Variants in CCNF observed in about 807,000 individuals in gnomAD.
CCNF encodes the protein cyclin F, also known as cyclin-F.
CCNF carries 30 observed loss-of-function variants against 85.4 expected under a neutral mutation model. The ratio of observed to expected loss-of-function variants is 0.35; its 90% CI spans 0.26 to 0.48. The LOEUF (loss-of-function observed/expected upper bound fraction) is 0.48. CCNF is among the 20% of genes least tolerant of loss of function. The pLI, the probability that CCNF is intolerant of heterozygous loss-of-function variation, is 0.99. For missense variants in CCNF, 919 were observed against 1,010.4 expected (o/e 0.91, Z 1.23); for synonymous variants, 439 against 425.1 (o/e 1.03, Z -0.40).
intron 13 of CCNF, among the ~76,000 whole-genome samples, chr16:2,450,898 G>A (rs1057467014): frequency 1.3e-5 from 2 of 152,222 alleles, no homozygotes; most frequent in Admixed American, 1.3e-4. Flanking sequence ...GCAGCTGCTG[G>A]GATAGAGCTA....
chr16:2,431,333 C>CCATT, intron 2 of CCNF, 49 bp downstream of exon 2: 1 of 1,583,272 alleles, frequency 6.3e-7, no homozygotes, highest in South Asian at 1.1e-5. Flanking sequence ...GTTGATTATA[C>CCATT]CATCAGGCCT....
chr16:2,439,608 T>C, intron 7 of CCNF, 141 bp from the exon 8 acceptor site: 2 of 918,926 alleles, frequency 2.2e-6, no homozygotes, highest in Non-Finnish European at 3.4e-6. Context: ...CAGTCGGCTA[T>C]TCTTGGTACC....
rs547393350 is a variant in CCNF, at chr16:2,445,534, G to A, written c.1006G>A (p.Glu336Lys). ...AAGCCTGTGCCTGCACCTGACCGTG[G>A]AGTGTGTGGACCGGTACCTGCGGAG... is the stretch of plus-strand genomic sequence containing the variant. ...FTSLCLHLTV[E>K]CVDRYLRRRL... The change falls in exon 10 of 17, where the codon GAG (glutamate) becomes AAG (lysine). Residue 336 changes from glutamate to lysine, a missense_variant. By Grantham distance (56) the Glu-to-Lys change is moderately conservative (BLOSUM62 1). Around this residue, in one of 3 missense-constraint regions of CCNF, gnomAD observed 410 missense variants for 478.6 expected, o/e 0.86. Transcript: ENST00000397066. 1 of 1,614,152 alleles carries A rather than the reference G, an allele frequency of 6.2e-7. No individual in the cohort carries two copies. Among genetic ancestry groups the A allele is most frequent in the African/African-American group, 1.3e-5 (1 of 75,050 alleles).
Position 2,429,478 on chromosome 16 carries a change from G to A in CCNF, c.-4G>A. The A allele has an allele frequency of 8.1e-7, 1 of 1,229,020 alleles. No individual in the cohort carries two copies. The highest frequency in any genetic ancestry group is 1.6e-5 in the African/African-American group (1 of 63,990). The allele number at this position is 1,229,020 out of a possible 1,614,324, so 76.1% of individuals were successfully genotyped here. A position where few individuals can be genotyped will look rare whatever the true frequency, so the allele number is the denominator to read the frequency against. ...GCTCCGGCGGCAGCGACGCGAGCGCGGCGATGGGGAGCGGCGGCGGTGAGT... is the reference window on the plus strand; with the variant it reads ...GCTCCGGCGGCAGCGACGCGAGCGCAGCGATGGGGAGCGGCGGCGGTGAGT... On this transcript the variant is annotated 5_prime_UTR_variant, in exon 1 of 17. Transcript: ENST00000397066.
chr16:2,447,762 A>T (rs2065369922), intron 10 of CCNF, among the ~76,000 whole-genome samples: 1 of 152,006 alleles, frequency 6.6e-6, no homozygotes, highest in Admixed American at 6.6e-5. Flanking sequence ...TCAAAAAAAA[A>T]AAGATTTTAA....
chr16:2,437,891 C>T lies in CCNF; in HGVS notation c.541-179C>T, dbSNP rs564243207. On this transcript the variant is annotated intron_variant, in intron 5 of 16. Coordinates refer to ENST00000397066, the MANE Select transcript of CCNF (RefSeq NM_001761.3). ...TCCAGCCTGGGTGACAGAGCAAGAC[C>T]CTGTTTCCCTTTAAAAAAAAAAAAA... is the stretch of plus-strand genomic sequence containing the variant. 8.4e-5 allele frequency: 46 copies of T among 545,538 alleles called. 1 individual carries two copies. In the East Asian group the frequency reaches 1.3e-3, roughly 15 times the overall value. The allele number at this position is 545,538 out of a possible 1,614,324, so 33.8% of individuals were successfully genotyped here.
At chr16:2,449,113 A>AT in intron 11 of CCNF, 135 bp downstream of exon 11, 1 of 1,469,742 alleles carries the variant, frequency 6.8e-7, no homozygotes, top group African/African-American at 1.4e-5. Flanking sequence ...GCCCAAAGCC[A>AT]TGGAGCAGGA....
Position 2,456,800 on chromosome 16 carries a change from T to G in CCNF, c.2141T>G (p.Val714Gly), listed in dbSNP as rs555892403. 1 of 1,613,872 alleles carries G rather than the reference T, an allele frequency of 6.2e-7. No individual in the cohort carries two copies. Among genetic ancestry groups the G allele is most frequent in the Non-Finnish European group, 8.5e-7 (1 of 1,179,952 alleles). ...SVSTASPTSS[V>G]DGGLGALPQP... Reference sequence around the variant, plus strand: ...AGCACCGCAAGTCCCACAAGCTCCGTGGACGGTGGCTTGGGGGCCCTGCCC... The same window carrying G: ...AGCACCGCAAGTCCCACAAGCTCCGGGGACGGTGGCTTGGGGGCCCTGCCC... The change falls in exon 17 of 17, where the codon GTG (valine) becomes GGG (glycine). Residue 714 changes from valine (V) to glycine (G), a missense_variant. Physicochemically the swap from Val to Gly is moderately radical, Grantham distance 109 (BLOSUM62 -3). Transcript: ENST00000397066. The surrounding 1 kb of genome is among the most constrained non-coding windows in gnomAD (Gnocchi z 4.5).
In CCNF at chr16:2,455,559, G is replaced by T. The variant is rs2065422415; in HGVS notation, c.1880G>T (p.Gly627Val). ...CAGGAGAGTGAGGGCGAGAAGGAGG[G>T]CGACGGTGAGTGTGGGGCCAGGGTG... Reference protein sequence around the residue: ...GDQESEGEKEGDVTAPSGILD... With the variant: ...GDQESEGEKEVDVTAPSGILD... The change falls in exon 16 of 17, where the codon GGC (glycine) becomes GTC (valine). Residue 627 changes from glycine (G) to valine (V), a missense_variant. Gly to Val is a moderately radical substitution (Grantham distance 109, BLOSUM62 -3). Around this residue, in one of 3 missense-constraint regions of CCNF, gnomAD observed 505 missense variants for 514.8 expected, o/e 0.98. Coordinates refer to ENST00000397066, the MANE Select transcript of CCNF (RefSeq NM_001761.3). 1 of 1,593,346 alleles carries T rather than the reference G, an allele frequency of 6.3e-7. No homozygotes were observed. The highest frequency in any genetic ancestry group is 8.6e-7 in the Non-Finnish European group (1 of 1,163,580).
Position 2,449,862 on chromosome 16 carries a change from C to A in CCNF, c.1434C>A (p.Thr478=), listed in dbSNP as rs766547417. The change falls in exon 13 of 17, where the codon ACC becomes ACA. Residue 478 remains threonine (T), a synonymous_variant. Coordinates refer to ENST00000397066, the MANE Select transcript of CCNF (RefSeq NM_001761.3). ...QPWTTQLWDL[T]GFSYEDLIPC... ...GGACCACTCAGCTGTGGGACCTCAC[C>A]GGATTCTCCTATGAAGACCTCATTC... 3.3e-6 allele frequency: 5 copies of A among 1,502,402 alleles called. No individual in the cohort carries two copies. The African/African-American group carries it at 7.5e-5, about 23-fold the overall frequency. The allele number at this position is 1,502,402 out of a possible 1,614,324, so 93.1% of individuals were successfully genotyped here. A position where few individuals can be genotyped will look rare whatever the true frequency, so the allele number is the denominator to read the frequency against.
intron 15 of CCNF, among the ~76,000 whole-genome samples, chr16:2,454,412 G>A (rs1038783891): frequency 6.6e-6 from 1 of 152,162 alleles, no homozygotes; most frequent in South Asian, 2.1e-4. Flanking sequence ...ATGCAGATAC[G>A]CACGGCTACT....
At position 2,456,622 on chromosome 16, in the gene CCNF, G is replaced by A; in HGVS notation, c.1963G>A (p.Asp655Asn). 1 of 1,608,504 alleles carries A rather than the reference G, an allele frequency of 6.2e-7. No homozygotes were observed. Among genetic ancestry groups the A allele is most frequent in the Non-Finnish European group, 8.5e-7 (1 of 1,178,046 alleles). The change falls in exon 17 of 17, where the codon GAT (aspartate) becomes AAT (asparagine). Residue 655 changes from aspartate (D) to asparagine (N), a missense_variant. Asp to Asn is a conservative substitution (Grantham distance 23). Transcript: ENST00000397066. The surrounding 1 kb of genome is among the most constrained non-coding windows in gnomAD (Gnocchi z 4.5). ...PEQHCCQESSDEEACPEDKGP... is the reference protein window; with the variant it reads ...PEQHCCQESSNEEACPEDKGP... ...ACAGCATTGCTGCCAGGAATCCAGT[G>A]ATGAGGAGGCTTGTCCAGAGGACAA...
At chr16:2,446,865 G>C (rs1024124700) in intron 10 of CCNF, among the ~76,000 whole-genome samples, 2 of 152,194 alleles carry the variant, frequency 1.3e-5, no homozygotes, top group African/African-American at 4.8e-5. Flanking sequence ...TTTGCACTGA[G>C]CTTAGTCTTG....
At chr16:2,442,915 A>G (rs1376667103) in intron 8 of CCNF, among the ~76,000 whole-genome samples, 25 of 64,384 alleles carry the variant, frequency 3.9e-4, no homozygotes, top group African/African-American at 1.8e-3. Context: ...ATATATAAAT[A>G]TATATTAATA....
intron 9 of CCNF, among the ~76,000 whole-genome samples, chr16:2,444,301 CTT>C (rs764089161): frequency 1.7e-4 from 24 of 139,088 alleles, no homozygotes; most frequent in South Asian, 6.9e-4. Flanking sequence ...TCTTCAGTTA[CTT>C]TTTTTTTTTT....
intron 10 of CCNF, 71 bp from the exon 11 acceptor site, chr16:2,448,784 C>T (rs1408714644): frequency 6.8e-7 from 1 of 1,478,002 alleles, no homozygotes; most frequent in Non-Finnish European, 9.3e-7. Flanking sequence ...CTCCTAAAGC[C>T]TTGGGTCCCT....
At position 2,456,135 on chromosome 16, in the gene CCNF, TG is replaced by T; in HGVS notation, c.1886-407del. On this transcript the variant is annotated intron_variant, in intron 16 of 16. Transcript: ENST00000397066. The surrounding 1 kb of genome is among the most constrained non-coding windows in gnomAD (Gnocchi z 4.5). ...GTGATCATGCCACTGCACTGTAGCC[TG>T]GGCGTTCTTTCTAGAATGTTGTTTG... The T allele has an allele frequency of 5.6e-6, 1 of 179,422 alleles. No homozygotes were observed. Among genetic ancestry groups the T allele is most frequent in the Non-Finnish European group, 1.2e-5 (1 of 85,576 alleles). 11.1% of individuals were successfully genotyped at this position (179,422 alleles called of 1,614,324 possible). A position where few individuals can be genotyped will look rare whatever the true frequency, so the allele number is the denominator to read the frequency against.
chr16:2,447,080 C>T (rs867372852), intron 10 of CCNF, among the ~76,000 whole-genome samples: 1 of 152,146 alleles, frequency 6.6e-6, no homozygotes, highest in East Asian at 1.9e-4. Flanking sequence ...GCGGCCGCCT[C>T]CCTGGATCTG....
In CCNF at chr16:2,451,934, G is replaced by A. The variant is rs1472601478; in HGVS notation, c.1488-1276G>A. Among the ~76,000 whole-genome samples the A allele has an allele frequency of 6.6e-6, 1 of 152,200 alleles. No individual in the cohort carries two copies. The highest frequency in any genetic ancestry group is 1.5e-5 in the Non-Finnish European group (1 of 68,034). ...ACCTTGACCTGCCACCCCCCTGCCA[G>A]CGTGACTCAGCCAACGGCCTGTTGC... On this transcript the variant is annotated intron_variant, in intron 13 of 16. Transcript: ENST00000397066. This position sits in a 1 kb window ranked among gnomAD's most constrained non-coding sequence, Gnocchi z 4.3.
Sources: gnomAD v4.1 joint callset for allele counts (sites outside exome capture counted in the v4.1 genomes callset) on GRCh38, gnomAD v4.1.1 for gene constraint, gnomAD v4.1.1 regional missense constraint, Gnocchi (gnomAD v3.1) non-coding constraint, MANE v1.5 for transcripts, NCBI Gene and HGNC (gene_info 2026-07-23, HGNC 2026-07-21) for gene names.